The following RPH3A variants were observed in gnomAD, a reference collection of about 807,000 sequenced individuals.
RPH3A encodes rabphilin-3A.
Under a neutral mutation model 102.2 loss-of-function variants are expected in RPH3A, and 48 were observed. The observed-to-expected ratio is 0.47, with a 90% CI of 0.37 to 0.60. The LOEUF is 0.60. Ranked by LOEUF, RPH3A falls within the 20% of genes least tolerant of loss-of-function variation. The pLI, the probability that RPH3A is intolerant of heterozygous loss-of-function variation, is 0.00. For synonymous variants in RPH3A, 310 were observed against 324.3 expected, an observed-to-expected ratio of 0.96 and a Z score of 0.47; for missense variants, 781 against 910.1, an observed-to-expected ratio of 0.86 and a Z score of 1.83.
At chr12:112,774,873 G>C (rs1205593949) in intron 1 of RPH3A, among the ~76,000 whole-genome samples, 1 of 152,128 alleles carries the variant, frequency 6.6e-6, no homozygotes, top group East Asian at 1.9e-4. Context: ...TAATATCTAG[G>C]TGATGGGATG....
intron 1 of RPH3A, among the ~76,000 whole-genome samples, chr12:112,701,414 G>A (rs1320325130): frequency 6.6e-6 from 1 of 152,218 alleles, no homozygotes; most frequent in African/African-American, 2.4e-5. Flanking sequence ...CCATAGGAGA[G>A]AGGGAATAAG....
At position 112,898,243 on chromosome 12, in the gene RPH3A, G is replaced by A. The variant is rs984298775; in HGVS notation, c.*1463G>A. 4 of 152,178 alleles carry A rather than the reference G, an allele frequency of 2.6e-5. No homozygotes were observed. The highest frequency in any genetic ancestry group is 9.7e-5 in the African/African-American group (4 of 41,444). 9.4% of individuals were successfully genotyped at this position (152,178 alleles called of 1,614,324 possible). On this transcript the variant is annotated 3_prime_UTR_variant, in exon 22 of 22. Coordinates refer to ENST00000389385, the MANE Select transcript of RPH3A (RefSeq NM_001143854.2). ...AAATTATTTTATAAAGGAGGAAAAGGCAATGTGGGCAAACATTACAAATTT... is the reference window on the plus strand; with the variant it reads ...AAATTATTTTATAAAGGAGGAAAAGACAATGTGGGCAAACATTACAAATTT...
chr12:112,708,013 C>T (rs529517923), intron 1 of RPH3A, among the ~76,000 whole-genome samples: 95 of 152,292 alleles, frequency 6.2e-4, no homozygotes, highest in Admixed American at 2.2e-3. Flanking sequence ...GGGCTGAAGT[C>T]GTGGGACGGG....
chr12:112,865,594 A>G, intron 6 of RPH3A, 51 bp downstream of exon 6: 1 of 1,587,550 alleles, frequency 6.3e-7, no homozygotes, highest in Non-Finnish European at 8.5e-7. Flanking sequence ...TGCAGAGGGG[A>G]AAGTCCTAGG....
At chr12:112,578,805 G>A (rs2039376527) in intron 1 of RPH3A, among the ~76,000 whole-genome samples, 1 of 152,136 alleles carries the variant, frequency 6.6e-6, no homozygotes. Context: ...AAGAGTGGTG[G>A]GAATATAGTG....
At chr12:112,866,688 G>T in intron 6 of RPH3A, 69 bp from the exon 7 acceptor site, 1 of 1,289,290 alleles carries the variant, frequency 7.8e-7, no homozygotes. Flanking sequence ...AGAGAAAGTG[G>T]GGGGCTACGT....
At chr12:112,591,385 G>A (rs1465656409) in intron 1 of RPH3A, among the ~76,000 whole-genome samples, 1 of 152,224 alleles carries the variant, frequency 6.6e-6, no homozygotes, top group Non-Finnish European at 1.5e-5. Flanking sequence ...CCACTGCACT[G>A]GCCCTGCAGA....
chr12:112,708,019 A>T (rs761505297), intron 1 of RPH3A, among the ~76,000 whole-genome samples: 34 of 152,222 alleles, frequency 2.2e-4, no homozygotes, highest in Non-Finnish European at 4.3e-4. Flanking sequence ...AAGTCGTGGG[A>T]CGGGAAGCTG....
intron 1 of RPH3A, among the ~76,000 whole-genome samples, chr12:112,602,900 A>G (rs1426060011): frequency 6.6e-6 from 1 of 152,222 alleles, no homozygotes; most frequent in African/African-American, 2.4e-5. Context: ...CAGATTAACA[A>G]GAGAAAAAAA....
intron 16 of RPH3A, 142 bp downstream of exon 16, chr12:112,883,544 C>A: frequency 3.2e-6 from 2 of 619,240 alleles, no homozygotes; most frequent in South Asian, 4.1e-5. Context: ...TTTACTTTTA[C>A]CAAAAAATGA....
intron 1 of RPH3A, chr12:112,649,487 C>T (rs972289861): frequency 6.6e-5 from 10 of 152,106 alleles, no homozygotes; most frequent in Admixed American, 6.5e-4. Context: ...TCTCTTTGGG[C>T]CTCAGTTTCC....
rs151025880 is a variant in RPH3A, at chr12:112,847,718, C to T, written c.106C>T (p.His36Tyr). The T allele has an allele frequency of 4.3e-6, 7 of 1,613,950 alleles. No homozygotes were observed. The highest frequency in any genetic ancestry group is 5.9e-6 in the Non-Finnish European group (7 of 1,180,008). Residue 36 changes from histidine (H) to tyrosine (Y), a missense_variant, in exon 5 of 22, where the codon CAC (histidine) becomes TAC (tyrosine). By Grantham distance (83) the His-to-Tyr change is moderately conservative (BLOSUM62 2). Coordinates refer to ENST00000389385, the MANE Select transcript of RPH3A (RefSeq NM_001143854.2). ...KEQLQAGWSV[H>Y]PGGQPDRQRK... ...CAGGCTCCAGGCAGGCTGGTCCGTC[C>T]ACCCCGGTGGTCAGCCTGACAGGCA... is the stretch of plus-strand genomic sequence containing the variant.
At chr12:112,717,726 AT>A (rs58732893) in intron 1 of RPH3A, among the ~76,000 whole-genome samples, 25,650 of 137,344 alleles carry the variant, frequency 0.19, 2,160 homozygotes, top group Admixed American at 0.24. Flanking sequence ...ATAGGTTTTC[AT>A]TTTTTTTTTT....
chr12:112,828,498 G>A, intron 3 of RPH3A, 109 bp downstream of exon 3: 1 of 788,714 alleles, frequency 1.3e-6, no homozygotes, highest in African/African-American at 1.8e-5. Flanking sequence ...GGAAGGGGGA[G>A]AGGAACCTAA....
At chr12:112,580,721 A>AT (rs943883510) in intron 1 of RPH3A, among the ~76,000 whole-genome samples, 8 of 152,090 alleles carry the variant, frequency 5.3e-5, no homozygotes, top group Admixed American at 3.3e-4. Flanking sequence ...TGTCTTTTGT[A>AT]TACAGTATTT....
chr12:112,854,781 C>T (rs183013600), intron 5 of RPH3A, among the ~76,000 whole-genome samples: 1 of 152,378 alleles, frequency 6.6e-6, no homozygotes, highest in Admixed American at 6.5e-5. Context: ...CCCAGAGGCA[C>T]ACAGCCTTTA....
chr12:112,605,267 T>C (rs2039587040), intron 1 of RPH3A, among the ~76,000 whole-genome samples: 1 of 151,844 alleles, frequency 6.6e-6, no homozygotes, highest in South Asian at 2.1e-4. Flanking sequence ...CCCAGCTACG[T>C]GGGAGGCTGA....
rs1345800873 is a variant in RPH3A, at chr12:112,712,465, T to A, written c.-139-79678T>A. 5.3e-5 allele frequency among the ~76,000 whole-genome samples: 8 copies of A among 152,162 alleles called. 1 individual carries two copies. In the South Asian group the frequency reaches 1.7e-3, roughly 32 times the overall value. On this transcript the variant is annotated intron_variant, in intron 1 of 21. Coordinates refer to the RPH3A transcript ENST00000543106. ...GATGTCTATTTTTAAATTGTTATTTTAAATATACAAAATATTAAGACATAC... is the reference window on the plus strand; with the variant it reads ...GATGTCTATTTTTAAATTGTTATTTAAAATATACAAAATATTAAGACATAC...
intron 2 of RPH3A, among the ~76,000 whole-genome samples, chr12:112,797,730 CCCA>C (rs991085908): frequency 6.6e-6 from 1 of 151,494 alleles, no homozygotes; most frequent in African/African-American, 2.4e-5. Context: ...TGCTCTGTCA[CCCA>C]GGCTGGAGTG....
Sources: gnomAD v4.1 joint callset for allele counts (sites outside exome capture counted in the v4.1 genomes callset) on GRCh38, gnomAD v4.1.1 for gene constraint, MANE v1.5 for transcripts, NCBI Gene and HGNC (gene_info 2026-07-23, HGNC 2026-07-21) for gene names.